THSD7B: variants seen among roughly 807,000 people sequenced by gnomAD.
THSD7B encodes thrombospondin type 1 domain containing 7B, also known as thrombospondin type-1 domain-containing protein 7B.
A neutral mutation model predicts 213.6 loss-of-function variants in THSD7B; 138 were observed. The observed-to-expected ratio is 0.65, with a 90% CI of 0.56 to 0.74. The LOEUF is 0.74. Among genes scored for constraint, THSD7B ranks in the 30% least tolerant of loss-of-function variants. The probability of loss-of-function intolerance (pLI) is 0.00; values close to 1 mark genes in which losing one functional copy is unlikely to be tolerated. For synonymous variants in THSD7B, 742 were observed against 687.0 expected (o/e 1.08, Z -1.25); for missense variants, 1,931 against 1,991.5 (o/e 0.97, Z 0.58).
At chr2:137,334,843 G>A (rs1261643313) in intron 12 of THSD7B, among the ~76,000 whole-genome samples, 1 of 152,214 alleles carries the variant, frequency 6.6e-6, no homozygotes, top group Admixed American at 6.5e-5. Context: ...CCAGGTGGGA[G>A]TGAAAGTAAT....
intron 1 of THSD7B, among the ~76,000 whole-genome samples, chr2:136,827,133 C>A (rs1682657829): frequency 6.6e-6 from 1 of 152,192 alleles, no homozygotes; most frequent in Non-Finnish European, 1.5e-5. Context: ...AAAAGACAAT[C>A]ATGAAAATTA....
chr2:137,560,206 G>A (rs373319883), intron 15 of THSD7B, among the ~76,000 whole-genome samples: 35 of 152,198 alleles, frequency 2.3e-4, no homozygotes, highest in African/African-American at 8.2e-4. Flanking sequence ...CCATCCCATT[G>A]CTGGGTATAT....
In THSD7B at chr2:137,057,680, T is replaced by C. The variant is rs137994772; in HGVS notation, c.950+450T>C. Among the ~76,000 whole-genome samples, 24 of 152,364 alleles carry C rather than the reference T, an allele frequency of 1.6e-4. No individual in the cohort carries two copies. The East Asian group carries it at 4.4e-3, about 28-fold the overall frequency. On this transcript the variant is annotated intron_variant, in intron 3 of 27. Coordinates refer to ENST00000409968, the MANE Select transcript of THSD7B (RefSeq NM_001316349.2). ...TTTTGTTTTTATTTGTTTACTTTTG[T>C]TTCCACTGTTATCAACATTCTTTGA...
At chr2:136,999,639 A>G (rs1302190407) in intron 2 of THSD7B, among the ~76,000 whole-genome samples, 3 of 152,112 alleles carry the variant, frequency 2.0e-5, no homozygotes, top group African/African-American at 4.8e-5. Flanking sequence ...AGATTTTGGC[A>G]TCTGTCTCAC....
rs1365943 is a variant in THSD7B at position 136,808,599 on chromosome 2, G to C, written c.-36+42912G>C. Among the ~76,000 whole-genome samples, 4 of 152,138 alleles carry C rather than the reference G, an allele frequency of 2.6e-5. No homozygotes were observed. In the South Asian group the frequency reaches 8.3e-4, roughly 32 times the overall value. ...CAATCAGTTGGCTAAATGCTTAGATGTGTGACTTTCAAAGTGGCTATACCA... is the reference window on the plus strand; with the variant it reads ...CAATCAGTTGGCTAAATGCTTAGATCTGTGACTTTCAAAGTGGCTATACCA... On this transcript the variant is annotated intron_variant, in intron 1 of 27. Coordinates refer to ENST00000409968, the MANE Select transcript of THSD7B (RefSeq NM_001316349.2).
In THSD7B at chr2:137,577,674, A is replaced by G. The variant is rs1681492517; in HGVS notation, c.3423+5118A>G. On this transcript the variant is annotated intron_variant, in intron 17 of 27. Coordinates refer to ENST00000409968, the MANE Select transcript of THSD7B (RefSeq NM_001316349.2). ...CCCACTTCTCTTTCCTTTTCTTACT[A>G]GCAGACTAAGGCATATCCCACATTT... 5.9e-5 allele frequency among the ~76,000 whole-genome samples: 9 copies of G among 152,226 alleles called. 1 individual carries two copies. In the South Asian group the frequency reaches 1.7e-3, roughly 28 times the overall value.
In THSD7B at chr2:137,335,398, A is replaced by G. The variant is rs72977624; in HGVS notation, c.2500+59372A>G. The stretch of plus-strand genomic sequence containing the variant: ...GATTTTCCTCCTTCTCATTCCATGA[A>G]GGGTTGGTAAAACAACACAGAACAG... On this transcript the variant is annotated intron_variant, in intron 12 of 27. Transcript: ENST00000409968. Among the ~76,000 whole-genome samples the G allele has an allele frequency of 3.7e-3, 564 of 152,302 alleles. 8 individuals are homozygous for G. Among genetic ancestry groups the G allele is most frequent in the African/African-American group, 0.013 (532 of 41,560 alleles).
chr2:137,033,841 G>A (rs1686721681), intron 2 of THSD7B, among the ~76,000 whole-genome samples: 1 of 151,918 alleles, frequency 6.6e-6, no homozygotes, highest in African/African-American at 2.4e-5. Context: ...TGCATAATGT[G>A]CAGGCTCCTT....
chr2:137,386,893 A>G (rs1016397845), intron 12 of THSD7B, among the ~76,000 whole-genome samples: 1 of 152,186 alleles, frequency 6.6e-6, no homozygotes, highest in Non-Finnish European at 1.5e-5. Context: ...CTTTTTAAAA[A>G]ATTAACTATG....
chr2:137,589,109 TAA>T (rs1159241658), intron 17 of THSD7B, among the ~76,000 whole-genome samples: 1 of 152,186 alleles, frequency 6.6e-6, no homozygotes, highest in African/African-American at 2.4e-5. Flanking sequence ...TCAAATAACA[TAA>T]GTGTATGCTT....
intron 20 of THSD7B, among the ~76,000 whole-genome samples, chr2:137,635,178 T>C (rs1430698454): frequency 6.6e-6 from 1 of 152,156 alleles, no homozygotes; most frequent in Admixed American, 6.6e-5. Context: ...TGGAAACATA[T>C]TTTATAGGGA....
intron 2 of THSD7B, among the ~76,000 whole-genome samples, chr2:136,936,135 C>T (rs1573720139): frequency 2.0e-5 from 3 of 151,848 alleles, no homozygotes; most frequent in East Asian, 3.9e-4. Context: ...ACCTTACTCC[C>T]ACAAAAGTGG....
Position 136,872,575 on chromosome 2 carries a change from CTCTT to C in THSD7B, c.-35-9563_-35-9560del, listed in dbSNP as rs529752482. 1.6e-3 allele frequency among the ~76,000 whole-genome samples: 229 copies of C among 145,894 alleles called. 2 individuals are homozygous for C. The highest frequency in any genetic ancestry group is 2.4e-3 in the Non-Finnish European group (163 of 66,936). On this transcript the variant is annotated intron_variant, in intron 1 of 27. Coordinates refer to ENST00000409968, the MANE Select transcript of THSD7B (RefSeq NM_001316349.2). ...TTCTTTTCCTTTTCTTTTCTTCTTTCTCTTTCTTTTTCTTTCTTTCTTTCTTCCT... is the reference window on the plus strand; with the variant it reads ...TTCTTTTCCTTTTCTTTTCTTCTTTCTCTTTTTCTTTCTTTCTTTCTTCCT...
At chr2:137,665,819 G>C (rs955222174) in intron 26 of THSD7B, among the ~76,000 whole-genome samples, 1 of 152,078 alleles carries the variant, frequency 6.6e-6, no homozygotes, top group East Asian at 1.9e-4. Context: ...ACTAAGAAGA[G>C]GTAGACCTTC....
At chr2:137,281,064 C>A (rs1272719780) in intron 12 of THSD7B, among the ~76,000 whole-genome samples, 1 of 152,112 alleles carries the variant, frequency 6.6e-6, no homozygotes, top group African/African-American at 2.4e-5. Flanking sequence ...ATCGAAATCA[C>A]TTGTCTACGA....
At chr2:137,593,736 A>G (rs2104815971) in intron 17 of THSD7B, among the ~76,000 whole-genome samples, 1 of 152,024 alleles carries the variant, frequency 6.6e-6, no homozygotes, top group Admixed American at 6.6e-5. Flanking sequence ...TTACCTTTTT[A>G]TCACAATGTT....
chr2:137,334,395 A>C (rs2104898630), intron 12 of THSD7B, among the ~76,000 whole-genome samples: 1 of 152,276 alleles, frequency 6.6e-6, no homozygotes. Flanking sequence ...GTGATGGGAG[A>C]AGGGAGAATA....
chr2:137,198,697 A>G (rs1451503964), intron 7 of THSD7B, among the ~76,000 whole-genome samples: 1 of 152,168 alleles, frequency 6.6e-6, no homozygotes, highest in Non-Finnish European at 1.5e-5. Flanking sequence ...GGGAATATAT[A>G]TTCTGATTAC....
At chr2:137,478,857 T>C (rs1259428622) in intron 15 of THSD7B, among the ~76,000 whole-genome samples, 1 of 152,216 alleles carries the variant, frequency 6.6e-6, no homozygotes, top group Non-Finnish European at 1.5e-5. Flanking sequence ...ATTTGCTCAG[T>C]GGCTTATGTT....
Sources: allele counts gnomAD v4.1 joint callset (sites outside exome capture counted in the v4.1 genomes callset), GRCh38; gene constraint gnomAD v4.1.1; transcripts MANE v1.5; gene names NCBI Gene and HGNC (gene_info 2026-07-23, HGNC 2026-07-21).